The following SPAG17 variants were observed in gnomAD, a reference collection of about 807,000 sequenced individuals.
SPAG17 encodes sperm-associated antigen 17.
A neutral mutation model predicts 273.6 loss-of-function variants in SPAG17; 169 were observed. The observed-to-expected ratio is 0.62, with a 90% CI of 0.55 to 0.70. SPAG17 has a LOEUF of 0.70. Ranked by LOEUF, SPAG17 falls within the 30% of genes least tolerant of loss-of-function variation. SPAG17 has a pLI of 0.00. For missense variants in SPAG17, 2,557 were observed against 2,627.8 expected (o/e 0.97, Z 0.59); for synonymous variants, 825 against 873.2 (o/e 0.94, Z 0.97).
Position 118,074,568 on chromosome 1 carries a change from C to G in SPAG17, c.2242G>C (p.Ala748Pro). ...TCATGAGAATCAGCCTTTGTGACTG[C>G]ATCATCTTTGATCTCATTGTTTGTG... Reference protein sequence around the residue: ...QTTNNEIKDDAVTKADSHEKK... With the variant: ...QTTNNEIKDDPVTKADSHEKK... Residue 748 changes from alanine to proline, a missense_variant, in exon 16 of 49, where the codon GCA becomes CCA. By Grantham distance (27) the Ala-to-Pro change is conservative. Coordinates refer to ENST00000336338, the MANE Select transcript of SPAG17 (RefSeq NM_206996.4). The G allele has an allele frequency of 6.2e-7, 1 of 1,613,768 alleles. No homozygotes were observed. The highest frequency in any genetic ancestry group is 8.5e-7 in the Non-Finnish European group (1 of 1,179,826).
chr1:118,185,107 T>C lies in SPAG17; in HGVS notation c.51A>G (p.Ile17Met), dbSNP rs758820030. The C allele has an allele frequency of 6.2e-7, 1 of 1,614,158 alleles. No homozygotes were observed. The highest frequency in any genetic ancestry group is 8.5e-7 in the Non-Finnish European group (1 of 1,180,014). Residue 17 changes from isoleucine (I) to methionine (M), a missense_variant, in exon 1 of 49, where the codon ATA (isoleucine) becomes ATG (methionine). Coordinates refer to ENST00000336338, the MANE Select transcript of SPAG17 (RefSeq NM_206996.4). ...KGGTVNTSSKIWEPSLIAAQF... is the reference protein window; with the variant it reads ...KGGTVNTSSKMWEPSLIAAQF... ...GTGCAGCTATGAGCGAGGGTTCCCA[T>C]ATCTTAGAACTGGTGTTCACAGTTC...
At chr1:118,040,959 C>A in intron 21 of SPAG17, 118 bp from the exon 22 acceptor site, 1 of 697,780 alleles carries the variant, frequency 1.4e-6, no homozygotes, top group South Asian at 1.6e-5. Context: ...ATATGTCTGT[C>A]ACTTTGCAGA....
At chr1:118,041,475 C>T (rs974036442) in intron 21 of SPAG17, among the ~76,000 whole-genome samples, 1 of 151,974 alleles carries the variant, frequency 6.6e-6, no homozygotes, top group Non-Finnish European at 1.5e-5. Flanking sequence ...GTCTCATCAT[C>T]TGAGACAGAT....
chr1:118,013,738 G>A lies in SPAG17; in HGVS notation c.4288-1366C>T, dbSNP rs573280465. ...TGATTTAGAATTATTGAAACATTTC[G>A]TAACGCCACATAAACAGTGACATTT... On this transcript the variant is annotated intron_variant, in intron 29 of 48. Transcript: ENST00000336338. Among the ~76,000 whole-genome samples the A allele has an allele frequency of 1.2e-4, 18 of 152,150 alleles. No homozygotes were observed. The East Asian group carries it at 1.5e-3, about 13-fold the overall frequency.
intron 22 of SPAG17, among the ~76,000 whole-genome samples, chr1:118,040,065 T>C (rs896764701): frequency 5.9e-5 from 9 of 152,186 alleles, no homozygotes; most frequent in Non-Finnish European, 8.8e-5. Flanking sequence ...AAAATTATGT[T>C]ATAGTAGCTA....
At chr1:118,018,129 C>T (rs1660150615) in intron 28 of SPAG17, among the ~76,000 whole-genome samples, 1 of 152,144 alleles carries the variant, frequency 6.6e-6, no homozygotes, top group African/African-American at 2.4e-5. Flanking sequence ...TTTTGTCAAA[C>T]TGTGTGATTC....
At chr1:118,026,381 C>T (rs1403540785) in intron 26 of SPAG17, among the ~76,000 whole-genome samples, 1 of 151,970 alleles carries the variant, frequency 6.6e-6, no homozygotes, top group East Asian at 1.9e-4. Context: ...TTTATTGGGG[C>T]CAAAAAGCCT....
intron 1 of SPAG17, among the ~76,000 whole-genome samples, chr1:118,173,156 C>T (rs139557314): frequency 1.8e-3 from 267 of 151,594 alleles, no homozygotes; most frequent in African/African-American, 4.9e-3. Context: ...TAGAGACTAA[C>T]GTAGCAGTAT....
chr1:118,137,418 G>A (rs1016761975), intron 3 of SPAG17, among the ~76,000 whole-genome samples: 11 of 152,140 alleles, frequency 7.2e-5, no homozygotes, highest in Non-Finnish European at 1.2e-4. Flanking sequence ...TGGGTACCAG[G>A]TACTATGCAG....
At chr1:118,077,278 C>T (rs536718083) in intron 15 of SPAG17, among the ~76,000 whole-genome samples, 1 of 152,062 alleles carries the variant, frequency 6.6e-6, no homozygotes, top group Non-Finnish European at 1.5e-5. Context: ...GCCCAGATGC[C>T]CTCCCCCTTT....
At chr1:118,065,017 GAGTT>G (rs1276943116) in intron 18 of SPAG17, among the ~76,000 whole-genome samples, 1 of 151,932 alleles carries the variant, frequency 6.6e-6, no homozygotes, top group African/African-American at 2.4e-5. Flanking sequence ...AAAGGAGAAA[GAGTT>G]AGAAAGCAAG....
chr1:117,975,678 A>G (rs777062627), intron 43 of SPAG17, among the ~76,000 whole-genome samples: 15 of 152,230 alleles, frequency 9.9e-5, no homozygotes, highest in Non-Finnish European at 1.8e-4. Context: ...ACATGCCAGT[A>G]AAGCCCTATT....
chr1:117,976,280 T>C (rs1446700574), intron 43 of SPAG17, among the ~76,000 whole-genome samples: 1 of 152,218 alleles, frequency 6.6e-6, no homozygotes, highest in African/African-American at 2.4e-5. Context: ...CTTTAGTATT[T>C]GAACAACTGG....
At chr1:118,026,589 T>C (rs1647776962) in intron 26 of SPAG17, among the ~76,000 whole-genome samples, 1 of 152,190 alleles carries the variant, frequency 6.6e-6, no homozygotes, top group African/African-American at 2.4e-5. Flanking sequence ...TCCTTTAAAA[T>C]AGGCACTTTA....
At position 118,036,829 on chromosome 1, in the gene SPAG17, G is replaced by C. The variant is rs751635340; in HGVS notation, c.3374C>G (p.Thr1125Ser). ...AFSKFGSFSATLENGICLSIS... is the reference protein window; with the variant it reads ...AFSKFGSFSASLENGICLSIS... ...CGAGAGGCAGATTCCATTTTCTAAG[G>C]TGGCAGAAAAAGATCCAAACTTGCT... is the stretch of plus-strand genomic sequence containing the variant. Residue 1125 changes from threonine (T) to serine (S), a missense_variant, in exon 24 of 49, where the codon ACC becomes AGC. Coordinates refer to ENST00000336338, the MANE Select transcript of SPAG17 (RefSeq NM_206996.4). The C allele has an allele frequency of 4.1e-5, 64 of 1,561,808 alleles. No individual in the cohort carries two copies. The highest frequency in any genetic ancestry group is 5.6e-5 in the Non-Finnish European group (64 of 1,151,428).
chr1:118,144,523 G>A (rs1419799585), intron 3 of SPAG17, among the ~76,000 whole-genome samples: 1 of 152,116 alleles, frequency 6.6e-6, no homozygotes, highest in Non-Finnish European at 1.5e-5. Context: ...GTTACAGCTT[G>A]ATATTCCCAA....
rs1353103424 is a variant in SPAG17 at position 117,970,222 on chromosome 1, A to C, written c.6327-106T>G. 9.3e-6 allele frequency: 10 copies of C among 1,075,882 alleles called. No homozygotes were observed. The African/African-American group carries it at 1.3e-4, about 14-fold the overall frequency. The allele number at this position is 1,075,882 out of a possible 1,614,324, so 66.6% of individuals were successfully genotyped here. A position where few individuals can be genotyped will look rare whatever the true frequency, so the allele number is the denominator to read the frequency against. On this transcript the variant is annotated intron_variant, in intron 45 of 48. Coordinates refer to ENST00000336338, the MANE Select transcript of SPAG17 (RefSeq NM_206996.4). ...AGGAAGGTGTTAATATTTGCTACAC[A>C]GGAGCCGGGGGTCCATACCATTAGA...
chr1:118,120,986 T>A (rs1453242527), intron 3 of SPAG17, among the ~76,000 whole-genome samples: 1 of 152,030 alleles, frequency 6.6e-6, no homozygotes, highest in East Asian at 1.9e-4. Context: ...AGTTTAGAAT[T>A]TAGGGGTAAG....
At chr1:117,986,434 T>C (rs1171090211) in intron 40 of SPAG17, among the ~76,000 whole-genome samples, 2 of 152,372 alleles carry the variant, frequency 1.3e-5, no homozygotes, top group East Asian at 3.9e-4. Flanking sequence ...CAGTTCATTT[T>C]CCACATTGCC....
Sources: gnomAD v4.1 joint callset for allele counts (sites outside exome capture counted in the v4.1 genomes callset) on GRCh38, gnomAD v4.1.1 for gene constraint, MANE v1.5 for transcripts, NCBI Gene and HGNC (gene_info 2026-07-23, HGNC 2026-07-21) for gene names.